The following CCZ1B variants were observed in gnomAD, a reference collection of about 807,000 sequenced individuals.
The protein encoded by CCZ1B is CCZ1B vacuolar protein trafficking and biogenesis associated.
In CCZ1B, 25 loss-of-function variants were observed where a neutral mutation model predicts 58.8. That is an observed-to-expected ratio of 0.43 (90% CI 0.31 to 0.59). The LOEUF is 0.59. Ranked by LOEUF, CCZ1B falls within the 20% of genes least tolerant of loss-of-function variation. The pLI is 0.12. For missense variants in CCZ1B, 180 were observed against 501.5 expected (o/e 0.36, Z 6.12); for synonymous variants, 66 against 173.2 (o/e 0.38, Z 4.86).
intron 8 of CCZ1B, among the ~76,000 whole-genome samples, chr7:6,814,198 A>C (rs58202353): frequency 5.6e-5 from 8 of 141,960 alleles, no homozygotes; most frequent in Admixed American, 2.2e-4. Context: ...TAAAAGTAAA[A>C]TAAAATCCAA....
Position 6,821,948 on chromosome 7 carries a change from A to G in CCZ1B, c.522+333T>C, listed in dbSNP as rs565345048. Among the ~76,000 whole-genome samples, 10 of 149,724 alleles carry G rather than the reference A, an allele frequency of 6.7e-5. 1 individual carries two copies. The highest frequency in any genetic ancestry group is 2.5e-4 in the African/African-American group (10 of 39,748). The stretch of plus-strand genomic sequence containing the variant: ...TCCAATAATTAAGTTTTCCTTATCA[A>G]CTAATCTATCACACAAAAGATGGCT... On this transcript the variant is annotated intron_variant, in intron 6 of 14. Transcript: ENST00000316731.
intron 6 of CCZ1B, among the ~76,000 whole-genome samples, chr7:6,821,821 A>G (rs1217356220): frequency 2.5e-4 from 37 of 150,438 alleles, no homozygotes; most frequent in Admixed American, 1.6e-3. Context: ...AATCTCCCCA[A>G]TCGCTAATCT....
intron 10 of CCZ1B, chr7:6,811,716 G>A (rs1384969303): frequency 1.6e-5 from 7 of 444,644 alleles, no homozygotes; most frequent in African/African-American, 4.3e-5. Context: ...GACTTCACAC[G>A]TTTATAAATC....
At position 6,824,471 on chromosome 7, in the gene CCZ1B, T is replaced by C; in HGVS notation, c.296A>G (p.Asn99Ser). 1 of 1,605,968 alleles carries C rather than the reference T, an allele frequency of 6.2e-7. No individual in the cohort carries two copies. The highest frequency in any genetic ancestry group is 8.5e-7 in the Non-Finnish European group (1 of 1,177,788). The change falls in exon 3 of 15, where the codon AAT becomes AGT. Residue 99 changes from asparagine (N) to serine (S), a missense_variant. Transcript: ENST00000316731. ...TGTAAATACCATGACCATCCAGAAA[T>C]TTTCTTCTGGTTCATTGAAGAACTG... Reference protein sequence around the residue: ...NRQFFNEPEENFWMVMVVRNP... With the variant: ...NRQFFNEPEESFWMVMVVRNP...
At chr7:6,820,267 CT>C (rs1783087442) in intron 6 of CCZ1B, among the ~76,000 whole-genome samples, 1 of 149,542 alleles carries the variant, frequency 6.7e-6, no homozygotes, top group Non-Finnish European at 1.5e-5. Context: ...CAAGCTCCGC[CT>C]TCCAGGTTCA....
At chr7:6,823,515 C>CTTTTTTTTTTTT (rs897480782) in intron 4 of CCZ1B, among the ~76,000 whole-genome samples, 155 bp from the exon 5 acceptor site, 3 of 104,878 alleles carry the variant, frequency 2.9e-5, no homozygotes, top group African/African-American at 8.2e-5. Context: ...TGTTTGCGTT[C>CTTTTTTTTTTTT]TTTTTTTTTT....
At chr7:6,801,637 ACG>A in intron 12 of CCZ1B, 114 bp from the exon 13 acceptor site, 1 of 44,516 alleles carries the variant, frequency 2.2e-5, no homozygotes, top group Non-Finnish European at 4.0e-5. Context: ...GTGCAGTGAC[ACG>A]ATCTCGGCTC....
At chr7:6,804,086 T>C (rs554146370) in intron 12 of CCZ1B, among the ~76,000 whole-genome samples, 8 of 150,990 alleles carry the variant, frequency 5.3e-5, no homozygotes, top group Non-Finnish European at 1.2e-4. Context: ...CAAAGTGCTT[T>C]CCATCGCCTC....
chr7:6,816,771 TAGAC>T (rs1452081748), intron 7 of CCZ1B, among the ~76,000 whole-genome samples: 1 of 151,676 alleles, frequency 6.6e-6, no homozygotes, highest in African/African-American at 2.4e-5. Flanking sequence ...TTCTTTTTCT[TAGAC>T]AGGGTCTTGC....
At chr7:6,818,309 G>A (rs1298439738) in intron 7 of CCZ1B, among the ~76,000 whole-genome samples, 1 of 149,766 alleles carries the variant, frequency 6.7e-6, no homozygotes, top group African/African-American at 2.5e-5. Flanking sequence ...GGCACTTTGG[G>A]AGGCCAATGC....
At chr7:6,823,613 G>C (rs566325106) in intron 4 of CCZ1B, among the ~76,000 whole-genome samples, 1 of 142,648 alleles carries the variant, frequency 7.0e-6, no homozygotes, top group African/African-American at 2.7e-5. Context: ...TTGCGTCCCC[G>C]GTTCAAGCGA....
intron 7 of CCZ1B, among the ~76,000 whole-genome samples, chr7:6,816,886 G>C (rs1783010260): frequency 6.6e-6 from 1 of 150,912 alleles, no homozygotes; most frequent in Non-Finnish European, 1.5e-5. Context: ...TGTAGTCTCT[G>C]TAGTTGGGAC....
chr7:6,816,845 C>T (rs548911646), intron 7 of CCZ1B, among the ~76,000 whole-genome samples: 1 of 151,628 alleles, frequency 6.6e-6, no homozygotes, highest in African/African-American at 2.4e-5. Context: ...CTCAAACTTC[C>T]AGGCTCAAGT....
chr7:6,803,523 CTG>C (rs1378094691), intron 12 of CCZ1B, among the ~76,000 whole-genome samples: 1 of 88,656 alleles, frequency 1.1e-5, no homozygotes, highest in African/African-American at 4.5e-5. Context: ...GAGTGAAACT[CTG>C]TCTCAAAAAA....
intron 3 of CCZ1B, 73 bp downstream of exon 3, chr7:6,824,382 A>C (rs779739970): frequency 4.6e-5 from 69 of 1,503,208 alleles, no homozygotes; most frequent in Non-Finnish European, 5.9e-5. Context: ...GAACTTTCCT[A>C]AATTCTGAAC....
chr7:6,804,535 G>A (rs1374757592), intron 12 of CCZ1B, among the ~76,000 whole-genome samples: 6 of 106,466 alleles, frequency 5.6e-5, no homozygotes, highest in Middle Eastern at 7.9e-3. Context: ...GCCAGACTGA[G>A]TACCCAGGCC....
chr7:6,821,005 G>A (rs575311963), intron 6 of CCZ1B, among the ~76,000 whole-genome samples: 1 of 149,082 alleles, frequency 6.7e-6, no homozygotes, highest in South Asian at 2.1e-4. Context: ...ACTACAGAGA[G>A]TGCCATCTTT....
At chr7:6,812,179 T>C in intron 9 of CCZ1B, 116 bp from the exon 10 acceptor site, 1 of 1,164,562 alleles carries the variant, frequency 8.6e-7, no homozygotes, top group Non-Finnish European at 1.3e-6. Flanking sequence ...CCAGCTGCTA[T>C]TTGGCAAACA....
At chr7:6,800,756 G>T in intron 14 of CCZ1B, among the ~76,000 whole-genome samples, 192 bp downstream of exon 14, 1 of 133,186 alleles carries the variant, frequency 7.5e-6, no homozygotes. Flanking sequence ...CCATTGCCAA[G>T]TTTCCTGTGC....
Sources: allele counts gnomAD v4.1 joint callset (sites outside exome capture counted in the v4.1 genomes callset), GRCh38; gene constraint gnomAD v4.1.1; transcripts MANE v1.5; gene names NCBI Gene and HGNC (gene_info 2026-07-23, HGNC 2026-07-21).